FGFR2: variants seen among roughly 807,000 people sequenced by gnomAD.
FGFR2 encodes BEK fibroblast growth factor receptor.
In FGFR2, 19 loss-of-function variants were observed where a neutral mutation model predicts 95.9. That is an observed-to-expected ratio of 0.20 (90% CI 0.14 to 0.29). FGFR2 has a LOEUF of 0.29. Among genes scored for constraint, FGFR2 ranks in the 10% least tolerant of loss-of-function variants. The pLI, the probability that FGFR2 is intolerant of heterozygous loss-of-function variation, is 1.00. For synonymous variants in FGFR2, 392 were observed against 393.3 expected (o/e 1.00, Z 0.04); for missense variants, 707 against 1,056.9 (o/e 0.67, Z 4.59).
chr10:121,535,513 G>A (rs931165311), intron 6 of FGFR2, among the ~76,000 whole-genome samples: 1 of 152,188 alleles, frequency 6.6e-6, no homozygotes, highest in African/African-American at 2.4e-5. Flanking sequence ...CAAGGAAAGT[G>A]CAATGAGTCA....
chr10:121,485,309 G>T lies in FGFR2; in HGVS notation c.2195+86C>A, dbSNP rs903933854. ...TTAGAGCATGTTTAGGAAACCAGGGGCCTTCAAAAACGAGATACATCAGGA... is the reference window on the plus strand; with the variant it reads ...TTAGAGCATGTTTAGGAAACCAGGGTCCTTCAAAAACGAGATACATCAGGA... On this transcript the variant is annotated intron_variant, in intron 16 of 17. Coordinates refer to ENST00000358487, the MANE Select transcript of FGFR2 (RefSeq NM_000141.5). The surrounding 1 kb of genome is among the most constrained non-coding windows in gnomAD (Gnocchi z 4.2). 40 of 1,572,992 alleles carry T rather than the reference G, an allele frequency of 2.5e-5. No individual in the cohort carries two copies. The highest frequency in any genetic ancestry group is 4.1e-4 in the Middle Eastern group (2 of 4,934).
At chr10:121,525,428 G>A (rs781272545) in intron 6 of FGFR2, among the ~76,000 whole-genome samples, 74 of 152,100 alleles carry the variant, frequency 4.9e-4, no homozygotes, top group Admixed American at 3.9e-4. Context: ...CTCTCCCAGC[G>A]TTCTCTCTCT....
rs1415465144 is a variant in FGFR2 at position 121,515,107 on chromosome 10, A to C, written c.1287+10T>G. ...AGGAGTAAATTTCTTTAAACTCTTTATCTACTTTCTGTTACCTGTCTCCGC... is the reference window on the plus strand; with the variant it reads ...AGGAGTAAATTTCTTTAAACTCTTTCTCTACTTTCTGTTACCTGTCTCCGC... On this transcript the variant is annotated intron_variant, in intron 9 of 17. Coordinates refer to ENST00000358487, the MANE Select transcript of FGFR2 (RefSeq NM_000141.5). 2 of 1,613,530 alleles carry C rather than the reference A, an allele frequency of 1.2e-6. No individual in the cohort carries two copies. Among genetic ancestry groups the C allele is most frequent in the African/African-American group, 2.7e-5 (2 of 74,868 alleles).
chr10:121,548,587 G>A (rs1296262892), intron 5 of FGFR2, among the ~76,000 whole-genome samples: 1 of 152,038 alleles, frequency 6.6e-6, no homozygotes, highest in Non-Finnish European at 1.5e-5. Flanking sequence ...TTTGCAAAAA[G>A]CTCCTTCCCC....
chr10:121,481,779 G>C (rs1252489210), intron 17 of FGFR2: 1 of 217,382 alleles, frequency 4.6e-6, no homozygotes, highest in Non-Finnish European at 9.0e-6. Flanking sequence ...TTTGAGCATA[G>C]ACATGAGATC....
At chr10:121,537,121 AAG>A (rs1428010410) in intron 6 of FGFR2, among the ~76,000 whole-genome samples, 7 of 152,182 alleles carry the variant, frequency 4.6e-5, no homozygotes, top group African/African-American at 1.7e-4. Context: ...AATTCTCACT[AAG>A]AAACATGCCA....
intron 9 of FGFR2, among the ~76,000 whole-genome samples, chr10:121,511,039 A>G (rs113908760): frequency 6.6e-6 from 1 of 152,174 alleles, no homozygotes; most frequent in Non-Finnish European, 1.5e-5. Flanking sequence ...TCCTGACTGC[A>G]GGTGATCTGC....
rs66550550 is a variant in FGFR2, at chr10:121,571,943, CA to C, written c.110-6240del. 3.6e-3 allele frequency among the ~76,000 whole-genome samples: 383 copies of C among 105,406 alleles called. 2 individuals carry two copies. Among genetic ancestry groups the C allele is most frequent in the African/African-American group, 0.011 (311 of 27,212 alleles). The allele number at this position is 105,406 out of a possible 152,430, so 69.2% of individuals were successfully genotyped here. A position where few individuals can be genotyped will look rare whatever the true frequency, so the allele number is the denominator to read the frequency against. The stretch of plus-strand genomic sequence containing the variant: ...GGGCAACAAGAGCAAAACTCCATCT[CA>C]AAAAAAAAATAAAAAAAAAAATTGA... On this transcript the variant is annotated intron_variant, in intron 2 of 17. Transcript: ENST00000358487.
In FGFR2 at chr10:121,518,061, A is replaced by T; in HGVS notation, c.940-598T>A. 1 of 499,552 alleles carries T rather than the reference A, an allele frequency of 2.0e-6. No homozygotes were observed. Among genetic ancestry groups the T allele is most frequent in the Non-Finnish European group, 3.9e-6 (1 of 254,998 alleles). The allele number at this position is 499,552 out of a possible 1,614,324, so 30.9% of individuals were successfully genotyped here. On this transcript the variant is annotated intron_variant, in intron 7 of 17. Coordinates refer to ENST00000358487, the MANE Select transcript of FGFR2 (RefSeq NM_000141.5). The surrounding 1 kb of genome is among the most constrained non-coding windows in gnomAD (Gnocchi z 4.0). ...GCAAGCATCATCTTGGTAACCAAAA[A>T]AACTGGGCTTTTTCTCTTTTCATTA...
intron 2 of FGFR2, among the ~76,000 whole-genome samples, chr10:121,571,656 ACG>A (rs1858757949): frequency 6.6e-6 from 1 of 151,656 alleles, no homozygotes; most frequent in Non-Finnish European, 1.5e-5. Flanking sequence ...ACAAACAAAA[ACG>A]ACTGGCCGGG....
At chr10:121,510,211 CTCCCGCAGGCCTT>C (rs1354235732) in intron 9 of FGFR2, among the ~76,000 whole-genome samples, 1 of 152,186 alleles carries the variant, frequency 6.6e-6, no homozygotes, top group Non-Finnish European at 1.5e-5. Context: ...GAGTCTCTGC[CTCCCGCAGGCCTT>C]TCCCTGGGAC....
chr10:121,549,281 A>T (rs1221736197), intron 5 of FGFR2, among the ~76,000 whole-genome samples: 6 of 152,204 alleles, frequency 3.9e-5, no homozygotes. Context: ...GTTGCAGGGC[A>T]TTTTTAGGTG....
intron 13 of FGFR2, among the ~76,000 whole-genome samples, chr10:121,495,717 G>A (rs1203162197): frequency 3.9e-5 from 6 of 152,116 alleles, no homozygotes; most frequent in Admixed American, 3.9e-4. Flanking sequence ...GGTGCACGCC[G>A]ACCAGAGGAT....
chr10:121,545,913 T>C (rs1854434465), intron 5 of FGFR2, among the ~76,000 whole-genome samples: 1 of 152,192 alleles, frequency 6.6e-6, no homozygotes, highest in African/African-American at 2.4e-5. Flanking sequence ...TGAACCCCTG[T>C]AATACCCAAC....
rs1554933622 is a variant in FGFR2 at position 121,524,146 on chromosome 10, A to ACCCCC, written c.749-3978_749-3977insGGGGG. 4.5e-3 allele frequency among the ~76,000 whole-genome samples: 619 copies of ACCCCC among 136,872 alleles called. 7 individuals carry two copies. The highest frequency in any genetic ancestry group is 0.011 in the Middle Eastern group (3 of 266). The allele number at this position is 136,872 out of a possible 152,430, so 89.8% of individuals were successfully genotyped here. On this transcript the variant is annotated intron_variant, in intron 6 of 17. Transcript: ENST00000358487. The stretch of plus-strand genomic sequence containing the variant: ...CACACACACACACACACACACACAC[A>ACCCCC]CCCCAAGTTTGCAATGGTTTAATGT...
chr10:121,489,803 T>A (rs749913772), intron 13 of FGFR2, among the ~76,000 whole-genome samples: 4 of 152,230 alleles, frequency 2.6e-5, no homozygotes, highest in African/African-American at 4.8e-5. Flanking sequence ...CCACTGCTAA[T>A]GCCTTAGTCC....
At chr10:121,495,452 C>T (rs1261324579) in intron 13 of FGFR2, among the ~76,000 whole-genome samples, 1 of 152,126 alleles carries the variant, frequency 6.6e-6, no homozygotes, top group Non-Finnish European at 1.5e-5. Context: ...CACCTGAACC[C>T]AGGAGGTCAA....
At chr10:121,554,228 C>G (rs1047532106) in intron 4 of FGFR2, among the ~76,000 whole-genome samples, 7 of 152,150 alleles carry the variant, frequency 4.6e-5, no homozygotes, top group Non-Finnish European at 1.0e-4. Context: ...CATGTGTGAC[C>G]AGCCCCACCC....
intron 1 of FGFR2, among the ~76,000 whole-genome samples, chr10:121,597,280 C>G (rs1393969642): frequency 2.0e-5 from 3 of 152,220 alleles, no homozygotes; most frequent in African/African-American, 4.8e-5. Context: ...TTAGAACTCG[C>G]CTGCGCTTTC....
Sources: allele counts gnomAD v4.1 joint callset (sites outside exome capture counted in the v4.1 genomes callset), GRCh38; gene constraint gnomAD v4.1.1; non-coding constraint Gnocchi (gnomAD v3.1); transcripts MANE v1.5; gene names NCBI Gene and HGNC (gene_info 2026-07-23, HGNC 2026-07-21).